Variants in NACC2 observed in about 807,000 individuals in gnomAD.
NACC2 encodes the protein NACC family member 2.
NACC2 carries 8 observed loss-of-function variants against 25.1 expected under a neutral mutation model. The observed-to-expected ratio is 0.32, with a 90% CI of 0.19 to 0.57. The LOEUF (loss-of-function observed/expected upper bound fraction) is 0.57. NACC2 is among the 20% of genes least tolerant of loss of function. The pLI, the probability that NACC2 is intolerant of heterozygous loss-of-function variation, is 0.89. For synonymous variants in NACC2, 435 were observed against 294.7 expected, an observed-to-expected ratio of 1.48 and a Z score of -4.88; for missense variants, 644 against 650.2, an observed-to-expected ratio of 0.99 and a Z score of 0.10.
chr9:136,077,517 T>C (rs1803838219), intron 1 of NACC2, among the ~76,000 whole-genome samples: 1 of 152,032 alleles, frequency 6.6e-6, no homozygotes, highest in Admixed American at 6.6e-5. Context: ...CTTTGCAACA[T>C]ATGTATCTTC....
chr9:136,077,644 AGG>A (rs1264310653), intron 1 of NACC2, among the ~76,000 whole-genome samples: 56 of 127,084 alleles, frequency 4.4e-4, no homozygotes, highest in African/African-American at 1.5e-3. Context: ...CCCTTCACAG[AGG>A]AGAAGGTCCC....
intron 1 of NACC2, among the ~76,000 whole-genome samples, chr9:136,072,057 G>A (rs568712555): frequency 6.6e-6 from 1 of 151,976 alleles, no homozygotes; most frequent in Non-Finnish European, 1.5e-5. Flanking sequence ...GGCCAACATG[G>A]TGAAACCCCG....
rs1830354317 is a variant in NACC2, at chr9:136,084,186, C to T, written c.-60+11003G>A. 6.6e-6 allele frequency among the ~76,000 whole-genome samples: 1 copy of T among 152,090 alleles called. No individual in the cohort carries two copies. On this transcript the variant is annotated intron_variant, in intron 1 of 5. Coordinates refer to ENST00000277554, the MANE Select transcript of NACC2 (RefSeq NM_144653.5). This position sits in a 1 kb window ranked among gnomAD's most constrained non-coding sequence, Gnocchi z 5.1. ...CAGGAGCAGTGGGTTCCGATGAGACCCTCAACACCCACTCACCAACCTGCA... is the reference window on the plus strand; with the variant it reads ...CAGGAGCAGTGGGTTCCGATGAGACTCTCAACACCCACTCACCAACCTGCA...
rs747778508 is a variant in NACC2 at position 136,016,316 on chromosome 9, G to C, written c.1000C>G (p.Pro334Ala). ...GGGTCCCCTTCCGAGTAGAGCTTGGGATGGCAGCGGTATCCGATCTGGCTG... is the reference window on the plus strand; with the variant it reads ...GGGTCCCCTTCCGAGTAGAGCTTGGCATGGCAGCGGTATCCGATCTGGCTG... Reference protein sequence around the residue: ...LISQIGYRCHPKLYSEGDPGE... With the variant: ...LISQIGYRCHAKLYSEGDPGE... The change falls in exon 3 of 6, where the codon CCC becomes GCC. Residue 334 changes from proline to alanine, a missense_variant. Pro to Ala is a conservative substitution (Grantham distance 27). Transcript: ENST00000277554. The C allele has an allele frequency of 6.2e-7, 1 of 1,612,830 alleles. No homozygotes were observed. Among genetic ancestry groups the C allele is most frequent in the South Asian group, 1.1e-5 (1 of 91,056 alleles).
chr9:136,077,233 A>G (rs1266274359), intron 1 of NACC2, among the ~76,000 whole-genome samples: 1 of 152,062 alleles, frequency 6.6e-6, no homozygotes, highest in Admixed American at 6.6e-5. Context: ...TGGGAGGCTG[A>G]GGCAGGAGAA....
chr9:136,083,878 G>A (rs773223558), intron 1 of NACC2, among the ~76,000 whole-genome samples: 1 of 152,270 alleles, frequency 6.6e-6, no homozygotes, highest in South Asian at 2.1e-4. Context: ...TCAGACAGAC[G>A]ATGTCCACCA....
chr9:136,026,217 T>A (rs548788308), intron 2 of NACC2, among the ~76,000 whole-genome samples: 1 of 151,524 alleles, frequency 6.6e-6, no homozygotes, highest in African/African-American at 2.4e-5. Flanking sequence ...GGTGCGCACC[T>A]GTAATCCCAG....
In NACC2 at chr9:136,007,417, G is replaced by A. The variant is rs866427886; in HGVS notation, c.*4099C>T. On this transcript the variant is annotated 3_prime_UTR_variant, in exon 6 of 6. Coordinates refer to ENST00000277554, the MANE Select transcript of NACC2 (RefSeq NM_144653.5). The stretch of plus-strand genomic sequence containing the variant: ...CAGAGACACGCACGTGCACACAGAC[G>A]CGCGTGCACACATACACACAGACGC... 9.4e-5 allele frequency: 12 copies of A among 127,716 alleles called. No homozygotes were observed. In the Middle Eastern group the frequency reaches 3.7e-3, roughly 40 times the overall value. The allele number at this position is 127,716 out of a possible 1,614,324, so 7.9% of individuals were successfully genotyped here.
At chr9:136,017,042 A>G (rs113130936) in intron 2 of NACC2, among the ~76,000 whole-genome samples, 2 of 152,228 alleles carry the variant, frequency 1.3e-5, no homozygotes, top group African/African-American at 4.8e-5. Flanking sequence ...TGCATCCAAG[A>G]ACACAGCCCT....
intron 2 of NACC2, among the ~76,000 whole-genome samples, chr9:136,033,730 G>C (rs1047382349): frequency 1.4e-5 from 2 of 147,602 alleles, no homozygotes; most frequent in African/African-American, 5.0e-5. Context: ...ATATTCCTAA[G>C]AAAAAATTAT....
intron 2 of NACC2, among the ~76,000 whole-genome samples, chr9:136,025,109 C>G (rs1291425065): frequency 6.6e-6 from 1 of 152,198 alleles, no homozygotes; most frequent in Non-Finnish European, 1.5e-5. Context: ...CAAGGCCAGC[C>G]AAGAGGAGGG....
At chr9:136,091,968 G>A (rs770121568) in intron 1 of NACC2, among the ~76,000 whole-genome samples, 9 of 152,234 alleles carry the variant, frequency 5.9e-5, no homozygotes, top group Non-Finnish European at 1.2e-4. Context: ...CCACAGCCAA[G>A]GCCCAAACAA....
chr9:136,043,441 G>A (rs916195089), intron 2 of NACC2, among the ~76,000 whole-genome samples: 169 of 152,354 alleles, frequency 1.1e-3, no homozygotes, highest in African/African-American at 3.9e-3. Flanking sequence ...GGGCTGAAAC[G>A]TCAAGGCTGA....
In NACC2 at chr9:136,046,840, C is replaced by T. The variant is rs993002903; in HGVS notation, c.886+2796G>A. Among the ~76,000 whole-genome samples the T allele has an allele frequency of 9.2e-5, 14 of 152,226 alleles. No homozygotes were observed. The East Asian group carries it at 1.4e-3, about 15-fold the overall frequency. On this transcript the variant is annotated intron_variant, in intron 2 of 5. Transcript: ENST00000277554. ...CCGTGAGGCCACACAGACCATGGGG[C>T]GGGGGCTGTGCCGGGGACAAAAGGC...
At chr9:136,023,008 A>G in intron 2 of NACC2, among the ~76,000 whole-genome samples, 1 of 85,708 alleles carries the variant, frequency 1.2e-5, no homozygotes, top group African/African-American at 4.6e-5. Context: ...AAGAAAAATG[A>G]AGGCAGAGAG....
At chr9:136,078,683 G>A (rs773935076) in intron 1 of NACC2, among the ~76,000 whole-genome samples, 3 of 152,250 alleles carry the variant, frequency 2.0e-5, no homozygotes, top group Non-Finnish European at 2.9e-5. Context: ...ATGGCTGGGG[G>A]ACAGGTCAGG....
Position 136,018,907 on chromosome 9 carries a change from C to T in NACC2, c.887-2478G>A, listed in dbSNP as rs1210900117. On this transcript the variant is annotated intron_variant, in intron 2 of 5. Coordinates refer to ENST00000277554, the MANE Select transcript of NACC2 (RefSeq NM_144653.5). This position sits in a 1 kb window ranked among gnomAD's most constrained non-coding sequence, Gnocchi z 4.4. ...TCACCAACAGAAATAATTCCCCATC[C>T]ACAACCACCTCGTCTCGAGATGTTT... Among the ~76,000 whole-genome samples the T allele has an allele frequency of 6.6e-6, 1 of 152,192 alleles. No individual in the cohort carries two copies. The highest frequency in any genetic ancestry group is 1.5e-5 in the Non-Finnish European group (1 of 68,034).
chr9:136,067,677 A>C (rs1237528226), intron 1 of NACC2, among the ~76,000 whole-genome samples: 2 of 152,214 alleles, frequency 1.3e-5, no homozygotes, highest in Non-Finnish European at 2.9e-5. Context: ...TCTACTGAAA[A>C]TACAAAAATT....
intron 1 of NACC2, among the ~76,000 whole-genome samples, chr9:136,088,204 G>A (rs998575661): frequency 2.6e-5 from 4 of 152,176 alleles, no homozygotes; most frequent in South Asian, 2.1e-4. Flanking sequence ...TGCTCTGTCC[G>A]GCTCCCTTCC....
Sources: allele counts gnomAD v4.1 joint callset (sites outside exome capture counted in the v4.1 genomes callset), GRCh38; gene constraint gnomAD v4.1.1; non-coding constraint Gnocchi (gnomAD v3.1); transcripts MANE v1.5; gene names NCBI Gene and HGNC (gene_info 2026-07-23, HGNC 2026-07-21).